Variants in TAOK3 observed in about 807,000 individuals in gnomAD.
TAOK3 encodes the protein TAO kinase 3.
TAOK3 carries 40 observed loss-of-function variants against 120.4 expected under a neutral mutation model. The observed-to-expected ratio is 0.33, with a 90% CI of 0.26 to 0.43. The LOEUF is 0.43. Among genes scored for constraint, TAOK3 ranks in the 20% least tolerant of loss-of-function variants. The probability of loss-of-function intolerance (pLI) is 1.00; values close to 1 mark genes in which losing one functional copy is unlikely to be tolerated. For missense variants in TAOK3, 821 were observed against 1,112.1 expected (o/e 0.74, Z 3.72); for synonymous variants, 355 against 387.5 (o/e 0.92, Z 0.99).
At chr12:118,195,464 T>C (rs117887736) in intron 13 of TAOK3, among the ~76,000 whole-genome samples, 1 of 152,314 alleles carries the variant, frequency 6.6e-6, no homozygotes, top group Non-Finnish European at 1.5e-5. Flanking sequence ...GATTAAAAAT[T>C]TGTACCGGAG....
At chr12:118,341,525 A>G (rs992675614) in intron 1 of TAOK3, among the ~76,000 whole-genome samples, 4 of 152,190 alleles carry the variant, frequency 2.6e-5, no homozygotes, top group Admixed American at 2.0e-4. Context: ...TAAATCTAAT[A>G]TAAAAACCAG....
At chr12:118,181,306 T>A (rs1196946372) in intron 15 of TAOK3, 65 bp downstream of exon 15, 2 of 1,386,096 alleles carry the variant, frequency 1.4e-6, no homozygotes, top group Non-Finnish European at 2.0e-6. Flanking sequence ...CTTGCTAACA[T>A]CCTGCCACTG....
intron 1 of TAOK3, among the ~76,000 whole-genome samples, chr12:118,269,128 T>TATC (rs2041588875): frequency 1.3e-5 from 2 of 152,078 alleles, no homozygotes; most frequent in African/African-American, 4.8e-5. Context: ...TTTCTCTTTC[T>TATC]TTCTTTCTTC....
chr12:118,316,376 C>T (rs765398795), intron 1 of TAOK3, among the ~76,000 whole-genome samples: 1 of 152,066 alleles, frequency 6.6e-6, no homozygotes, highest in Non-Finnish European at 1.5e-5. Context: ...TGGTCTGATT[C>T]ATAAAAGATA....
intron 13 of TAOK3, chr12:118,198,679 G>T (rs1027796639): frequency 2.0e-5 from 5 of 253,404 alleles, no homozygotes; most frequent in Non-Finnish European, 2.4e-5. Context: ...GAGCCACCAC[G>T]CCCAGCCAAG....
intron 1 of TAOK3, among the ~76,000 whole-genome samples, chr12:118,363,018 CAAAAAAA>C (rs60475060): frequency 2.3e-3 from 105 of 45,878 alleles, no homozygotes; most frequent in Middle Eastern, 0.029. Flanking sequence ...GACTCCGTAT[CAAAAAAA>C]AAAAAAAAAA....
At chr12:118,297,179 CAATAAATA>C (rs922243676) in intron 1 of TAOK3, 1 of 151,938 alleles carries the variant, frequency 6.6e-6, no homozygotes, top group Non-Finnish European at 1.5e-5. Context: ...AATTAGAATG[CAATAAATA>C]AATAAATAAA....
At chr12:118,217,557 G>T (rs1310075968) in intron 9 of TAOK3, among the ~76,000 whole-genome samples, 1 of 151,442 alleles carries the variant, frequency 6.6e-6, no homozygotes, top group South Asian at 2.1e-4. Flanking sequence ...CTGGTGGCAT[G>T]CGCCTGTAAT....
rs147869037 is a variant in TAOK3 at position 118,316,455 on chromosome 12, C to T, written c.-193-49696G>A. On this transcript the variant is annotated intron_variant, in intron 1 of 20. Transcript: ENST00000392533. ...TTACTCTCTCTTAGAGGTGGGGTCT[C>T]GCTCTGTCATCCAGGCTGGAGTGCA... Among the ~76,000 whole-genome samples the T allele has an allele frequency of 1.1e-4, 16 of 152,168 alleles. 1 individual carries two copies. Among genetic ancestry groups the T allele is most frequent in the Non-Finnish European group, 2.1e-4 (14 of 68,008 alleles).
intron 1 of TAOK3, among the ~76,000 whole-genome samples, chr12:118,370,997 GA>G (rs1331343595): frequency 1.3e-5 from 2 of 152,154 alleles, no homozygotes; most frequent in African/African-American, 4.8e-5. Flanking sequence ...AACCTCTTTT[GA>G]AAATTTAGTT....
chr12:118,295,455 G>T (rs974018061), intron 1 of TAOK3: 1 of 151,992 alleles, frequency 6.6e-6, no homozygotes, highest in East Asian at 1.9e-4. Context: ...GACCTTGGTC[G>T]GTATACTCAT....
At chr12:118,331,973 T>C (rs570489552) in intron 1 of TAOK3, among the ~76,000 whole-genome samples, 1 of 152,164 alleles carries the variant, frequency 6.6e-6, no homozygotes, top group East Asian at 1.9e-4. Flanking sequence ...ATTACACGTG[T>C]GCATCACCAT....
chr12:118,363,051 A>G (rs2045648613), intron 1 of TAOK3, among the ~76,000 whole-genome samples: 1 of 151,044 alleles, frequency 6.6e-6, no homozygotes. Flanking sequence ...AAAAGAAAAG[A>G]AAGAAAGAGA....
chr12:118,235,469 A>G, intron 8 of TAOK3, 89 bp downstream of exon 8: 1 of 946,776 alleles, frequency 1.1e-6, no homozygotes, highest in Non-Finnish European at 1.7e-6. Context: ...TTGGTAAGAC[A>G]CTGTCACAAA....
rs58282262 is a variant in TAOK3, at chr12:118,202,773, C to CTTT, written c.820-1313_820-1311dup. Among the ~76,000 whole-genome samples the CTTT allele has an allele frequency of 4.2e-3, 420 of 100,616 alleles. 6 individuals are homozygous for CTTT. The highest frequency in any genetic ancestry group is 0.026 in the East Asian group (63 of 2,392). The allele number at this position is 100,616 out of a possible 152,430, so 66.0% of individuals were successfully genotyped here. A position where few individuals can be genotyped will look rare whatever the true frequency, so the allele number is the denominator to read the frequency against. On this transcript the variant is annotated intron_variant, in intron 11 of 20. Transcript: ENST00000392533. ...GAAGCAATGCATAGTATAGTCTATT[C>CTTT]TTTTTTTTTTTTTTTTTTTTTTTTG... is the stretch of plus-strand genomic sequence containing the variant.
At chr12:118,226,149 G>C (rs988144401) in intron 9 of TAOK3, among the ~76,000 whole-genome samples, 27 of 152,350 alleles carry the variant, frequency 1.8e-4, no homozygotes, top group South Asian at 2.1e-4. Context: ...GCCGAGGCGG[G>C]CAGATCACAA....
At chr12:118,243,693 T>C (rs537439782) in intron 4 of TAOK3, among the ~76,000 whole-genome samples, 177 bp from the exon 5 acceptor site, 1 of 152,242 alleles carries the variant, frequency 6.6e-6, no homozygotes, top group Non-Finnish European at 1.5e-5. Flanking sequence ...TTGTTTTTAA[T>C]TGAGACAGAG....
chr12:118,371,914 C>G lies in TAOK3; in HGVS notation c.-194+734G>C, dbSNP rs2045908150. ...CCTCCTCTCACCCCGCTGTCCTGGC[C>G]CCTCTCGGGGTCACCCTGCTCCCAC... On this transcript the variant is annotated intron_variant, in intron 1 of 20. Transcript: ENST00000392533. This position sits in a 1 kb window ranked among gnomAD's most constrained non-coding sequence, Gnocchi z 5.5. Among the ~76,000 whole-genome samples the G allele has an allele frequency of 6.6e-6, 1 of 151,908 alleles. No homozygotes were observed.
At chr12:118,340,374 GTTTTC>G (rs1436189171) in intron 1 of TAOK3, among the ~76,000 whole-genome samples, 4 of 152,034 alleles carry the variant, frequency 2.6e-5, no homozygotes, top group African/African-American at 7.2e-5. Flanking sequence ...TCTCCCCCTT[GTTTTC>G]TTTTGACATC....
Sources: gnomAD v4.1 joint callset for allele counts (sites outside exome capture counted in the v4.1 genomes callset) on GRCh38, gnomAD v4.1.1 for gene constraint, Gnocchi (gnomAD v3.1) non-coding constraint, MANE v1.5 for transcripts, NCBI Gene and HGNC (gene_info 2026-07-23, HGNC 2026-07-21) for gene names.